Variants in MAD1L1 observed in about 807,000 individuals in gnomAD.
MAD1L1 encodes the protein mitotic spindle assembly checkpoint protein MAD1.
In MAD1L1, 95 loss-of-function variants were observed where a neutral mutation model predicts 96.9. The observed-to-expected ratio is 0.98, with a 90% CI of 0.83 to 1.16. The LOEUF is 1.16. Ranked by LOEUF, MAD1L1 falls within the 50% of genes most tolerant of loss-of-function variation. The probability of loss-of-function intolerance (pLI) is 0.00; values close to 1 mark genes in which losing one functional copy is unlikely to be tolerated. For synonymous variants in MAD1L1, 473 were observed against 396.6 expected, an observed-to-expected ratio of 1.19 and a Z score of -2.29; for missense variants, 1,007 against 954.4, an observed-to-expected ratio of 1.06 and a Z score of -0.73.
intron 16 of MAD1L1, among the ~76,000 whole-genome samples, chr7:1,941,223 G>A (rs758422615): frequency 6.6e-5 from 10 of 152,154 alleles, no homozygotes; most frequent in East Asian, 1.9e-4. Flanking sequence ...CAAGTTCCCC[G>A]GGGTGGATGT....
At chr7:2,211,045 G>T (rs1483445888) in intron 10 of MAD1L1, among the ~76,000 whole-genome samples, 1 of 152,216 alleles carries the variant, frequency 6.6e-6, no homozygotes, top group South Asian at 2.1e-4. Context: ...GGGGCAGGGG[G>T]AGCCTTGAAT....
chr7:1,914,892 G>T (rs1040768261), intron 17 of MAD1L1, among the ~76,000 whole-genome samples: 1 of 152,264 alleles, frequency 6.6e-6, no homozygotes, highest in Non-Finnish European at 1.5e-5. Context: ...GGGATGACAG[G>T]CATGAGTGCC....
intron 10 of MAD1L1, among the ~76,000 whole-genome samples, chr7:2,162,872 CTTT>C (rs1027364147): frequency 7.5e-6 from 1 of 133,772 alleles, no homozygotes. Flanking sequence ...GGAGTTTCAT[CTTT>C]TTTTTTTTTT....
chr7:2,117,049 C>A (rs753202930), intron 11 of MAD1L1, among the ~76,000 whole-genome samples: 2 of 152,234 alleles, frequency 1.3e-5, no homozygotes, highest in Admixed American at 1.3e-4. Flanking sequence ...CAGGCTCTAA[C>A]GCTGGGAACA....
At chr7:2,026,263 G>A (rs1408047125) in intron 12 of MAD1L1, among the ~76,000 whole-genome samples, 1 of 152,110 alleles carries the variant, frequency 6.6e-6, no homozygotes, top group East Asian at 1.9e-4. Flanking sequence ...AATTCACCAG[G>A]AAGATAATTC....
intron 11 of MAD1L1, among the ~76,000 whole-genome samples, chr7:2,141,105 C>A (rs1222711130): frequency 6.6e-6 from 1 of 152,200 alleles, no homozygotes; most frequent in African/African-American, 2.4e-5. Context: ...GCAGCGGACG[C>A]TGGACCCGGC....
At chr7:2,009,876 C>A (rs1279255519) in intron 13 of MAD1L1, among the ~76,000 whole-genome samples, 2 of 152,122 alleles carry the variant, frequency 1.3e-5, no homozygotes, top group South Asian at 4.1e-4. Flanking sequence ...GGGGGTGGCA[C>A]CGGCGTGTCA....
At chr7:1,836,081 G>A (rs1014242684) in intron 18 of MAD1L1, among the ~76,000 whole-genome samples, 89 of 152,214 alleles carry the variant, frequency 5.8e-4, no homozygotes, top group African/African-American at 2.0e-3. Flanking sequence ...GAGTGCAGTG[G>A]CGCAATCTCA....
chr7:1,841,669 C>A (rs1395477521), intron 18 of MAD1L1, among the ~76,000 whole-genome samples: 2 of 152,216 alleles, frequency 1.3e-5, no homozygotes, highest in Non-Finnish European at 2.9e-5. Flanking sequence ...CCCAAGGGGC[C>A]AGTCCGGCCT....
At chr7:2,058,722 C>T (rs1415897614) in intron 12 of MAD1L1, among the ~76,000 whole-genome samples, 2 of 117,358 alleles carry the variant, frequency 1.7e-5, no homozygotes, top group African/African-American at 3.4e-5. Context: ...AGGAGAGGCG[C>T]AGGGCTGGAG....
chr7:1,892,666 C>A (rs1786621822), intron 18 of MAD1L1, among the ~76,000 whole-genome samples: 1 of 152,256 alleles, frequency 6.6e-6, no homozygotes, highest in East Asian at 1.9e-4. Flanking sequence ...ACCTTTCCCC[C>A]TCATCCATAT....
chr7:1,827,446 TCCTCCCCTCCTG>T (rs1782459800), intron 18 of MAD1L1, among the ~76,000 whole-genome samples: 4 of 104,696 alleles, frequency 3.8e-5, no homozygotes, highest in Non-Finnish European at 6.1e-5. Context: ...GGGTGTGGGG[TCCTCCCCTCCTG>T]AGCCCGTCGC....
chr7:2,103,364 G>C lies in MAD1L1; in HGVS notation c.1074-34026C>G, dbSNP rs1786917201. Among the ~76,000 whole-genome samples, 1 of 152,194 alleles carries C rather than the reference G, an allele frequency of 6.6e-6. No homozygotes were observed. Among genetic ancestry groups the C allele is most frequent in the Non-Finnish European group, 1.5e-5 (1 of 68,036 alleles). On this transcript the variant is annotated intron_variant, in intron 11 of 18. Coordinates refer to ENST00000265854, the MANE Select transcript of MAD1L1 (RefSeq NM_001013836.2). The surrounding 1 kb of genome is among the most constrained non-coding windows in gnomAD (Gnocchi z 4.3). ...CTGGGCCTGCCTGCCCCGCCGCTCA[G>C]TAGACGGCACATGGGACATCGCCAT...
Position 2,137,830 on chromosome 7 carries a change from G to C in MAD1L1, c.1073+11322C>G, listed in dbSNP as rs1004401748. ...CCTCTGGCCCTGGAGGCTCCAAAGA[G>C]GGGAAGCCAAGCAGGAGGTGGACGT... is the stretch of plus-strand genomic sequence containing the variant. On this transcript the variant is annotated intron_variant, in intron 11 of 18. Transcript: ENST00000265854. Among the ~76,000 whole-genome samples, 2 of 152,216 alleles carry C rather than the reference G, an allele frequency of 1.3e-5. 1 individual carries two copies. The highest frequency in any genetic ancestry group is 2.9e-5 in the Non-Finnish European group (2 of 68,042).
chr7:2,044,341 G>A (rs1241696680), intron 12 of MAD1L1, among the ~76,000 whole-genome samples: 1 of 152,184 alleles, frequency 6.6e-6, no homozygotes, highest in Non-Finnish European at 1.5e-5. Context: ...CAGCACCTGG[G>A]ACCAGGATTT....
At chr7:1,885,719 C>T (rs1583654583) in intron 18 of MAD1L1, among the ~76,000 whole-genome samples, 1 of 152,300 alleles carries the variant, frequency 6.6e-6, no homozygotes, top group East Asian at 1.9e-4. Flanking sequence ...CTGACTGCTG[C>T]CCCGTGGAGC....
At chr7:2,068,343 C>T (rs564249890) in intron 12 of MAD1L1, among the ~76,000 whole-genome samples, 14 of 152,310 alleles carry the variant, frequency 9.2e-5, no homozygotes, top group South Asian at 4.1e-4. Flanking sequence ...ATCTTTGGAA[C>T]GGAAATGTTA....
intron 17 of MAD1L1, among the ~76,000 whole-genome samples, chr7:1,936,253 T>C (rs145309731): frequency 4.1e-4 from 63 of 152,330 alleles, no homozygotes; most frequent in African/African-American, 1.4e-3. Flanking sequence ...CTGGCCCTCA[T>C]GGAGGCCTCA....
rs139347798 is a variant in MAD1L1 at position 1,975,473 on chromosome 7, C to A, written c.1505+4980G>T. Among the ~76,000 whole-genome samples, 3 of 152,238 alleles carry A rather than the reference C, an allele frequency of 2.0e-5. No individual in the cohort carries two copies. The South Asian group carries it at 6.2e-4, about 32-fold the overall frequency. ...CTTTCCCAGGCTGAACTCTCCCTGGCGGCCTGGGCTGGGCACGGTGAGCTC... is the reference window on the plus strand; with the variant it reads ...CTTTCCCAGGCTGAACTCTCCCTGGAGGCCTGGGCTGGGCACGGTGAGCTC... On this transcript the variant is annotated intron_variant, in intron 15 of 18. Coordinates refer to ENST00000265854, the MANE Select transcript of MAD1L1 (RefSeq NM_001013836.2).
Sources: allele counts gnomAD v4.1 joint callset (sites outside exome capture counted in the v4.1 genomes callset), GRCh38; gene constraint gnomAD v4.1.1; non-coding constraint Gnocchi (gnomAD v3.1); transcripts MANE v1.5; gene names NCBI Gene and HGNC (gene_info 2026-07-23, HGNC 2026-07-21).